Variants in MACROD2 observed in about 807,000 individuals in gnomAD.
MACROD2 encodes the protein mono-ADP ribosylhydrolase 2, also known as ADP-ribose glycohydrolase MACROD2.
MACROD2 carries 36 observed loss-of-function variants against 70.4 expected under a neutral mutation model. That is an observed-to-expected ratio of 0.51 (90% CI 0.39 to 0.68). MACROD2 has a LOEUF of 0.68. Among genes scored for constraint, MACROD2 ranks in the 30% least tolerant of loss-of-function variants. The pLI, the probability that MACROD2 is intolerant of heterozygous loss-of-function variation, is 0.00. For synonymous variants in MACROD2, 172 were observed against 178.8 expected, an observed-to-expected ratio of 0.96 and a Z score of 0.30; for missense variants, 496 against 538.4, an observed-to-expected ratio of 0.92 and a Z score of 0.78.
intron 5 of MACROD2, among the ~76,000 whole-genome samples, chr20:14,858,082 A>C (rs2073275289): frequency 5.9e-5 from 9 of 152,060 alleles, no homozygotes; most frequent in Admixed American, 5.9e-4. Flanking sequence ...CCGCCCTCCA[A>C]AGTGCTGGGA....
rs553545936 is a variant in MACROD2, at chr20:15,395,911, G to A, written c.541-35494G>A. Among the ~76,000 whole-genome samples, 53 of 152,204 alleles carry A rather than the reference G, an allele frequency of 3.5e-4. 1 individual carries two copies. The highest frequency in any genetic ancestry group is 6.8e-3 in the Middle Eastern group (2 of 294). On this transcript the variant is annotated intron_variant, in intron 6 of 17. Coordinates refer to ENST00000684519, the MANE Select transcript of MACROD2 (RefSeq NM_001351661.2). Reference sequence around the variant, plus strand: ...CATCCAGATGTTATGTAATGCCATGGTATTACATAAATGCTCTCCCATTCC... The same window carrying A: ...CATCCAGATGTTATGTAATGCCATGATATTACATAAATGCTCTCCCATTCC...
At chr20:14,533,005 C>T (rs1474582056) in intron 4 of MACROD2, among the ~76,000 whole-genome samples, 1 of 152,248 alleles carries the variant, frequency 6.6e-6, no homozygotes, top group African/African-American at 2.4e-5. Context: ...CAACTAGGCC[C>T]ATACCAGACC....
intron 5 of MACROD2, among the ~76,000 whole-genome samples, chr20:15,182,159 C>T (rs2076505301): frequency 6.6e-6 from 1 of 152,142 alleles, no homozygotes; most frequent in Non-Finnish European, 1.5e-5. Flanking sequence ...TTTATTGCTT[C>T]TGCTGTTTTG....
chr20:16,034,481 C>A (rs548847369), intron 15 of MACROD2, among the ~76,000 whole-genome samples: 7 of 151,886 alleles, frequency 4.6e-5, no homozygotes, highest in Admixed American at 4.6e-4. Flanking sequence ...AACATAAATT[C>A]GTGTCTGTGC....
chr20:14,411,095 G>A (rs2083744274), intron 3 of MACROD2, among the ~76,000 whole-genome samples: 1 of 152,154 alleles, frequency 6.6e-6, no homozygotes, highest in South Asian at 2.1e-4. Flanking sequence ...GTTTGCTGAT[G>A]ACAGCATAGC....
intron 5 of MACROD2, among the ~76,000 whole-genome samples, chr20:15,182,601 C>A (rs2076508083): frequency 6.6e-6 from 1 of 152,094 alleles, no homozygotes; most frequent in Non-Finnish European, 1.5e-5. Context: ...AGCACAGGAG[C>A]ATTATTTATA....
chr20:15,695,661 G>A lies in MACROD2; in HGVS notation c.646-167084G>A, dbSNP rs141344179. 9.5e-3 allele frequency among the ~76,000 whole-genome samples: 1,442 copies of A among 152,090 alleles called. 14 individuals are homozygous for A. Among genetic ancestry groups the A allele is most frequent in the Middle Eastern group, 0.034 (10 of 294 alleles). On this transcript the variant is annotated intron_variant, in intron 8 of 17. Transcript: ENST00000684519. ...CCTGACCTCGTGATCCACCCGCCTC[G>A]GCCTCTCAAAGTGCTGGGATTACAG...
intron 3 of MACROD2, among the ~76,000 whole-genome samples, chr20:14,405,442 T>C (rs1030887859): frequency 6.6e-6 from 1 of 152,152 alleles, no homozygotes; most frequent in African/African-American, 2.4e-5. Context: ...CCTATAGGCA[T>C]CTCCAGTCTG....
intron 15 of MACROD2, among the ~76,000 whole-genome samples, chr20:15,993,955 T>A (rs1217179661): frequency 6.6e-6 from 1 of 152,150 alleles, no homozygotes; most frequent in East Asian, 1.9e-4. Flanking sequence ...AGAGGGATTA[T>A]CTGGAGGGTG....
chr20:14,757,835 A>T, intron 5 of MACROD2: 2 of 1,525,790 alleles, frequency 1.3e-6, no homozygotes, highest in Non-Finnish European at 1.8e-6. Flanking sequence ...TGTGCCTGCC[A>T]CTCTATGCCG....
intron 3 of MACROD2, among the ~76,000 whole-genome samples, chr20:14,238,872 CA>C (rs2081902655): frequency 6.6e-6 from 1 of 151,738 alleles, no homozygotes; most frequent in African/African-American, 2.4e-5. Context: ...AATAAAAATA[CA>C]AAAATTAGCC....
At chr20:15,835,689 T>C (rs149115385) in intron 8 of MACROD2, among the ~76,000 whole-genome samples, 148 of 152,282 alleles carry the variant, frequency 9.7e-4, no homozygotes, top group African/African-American at 3.5e-3. Context: ...TGATCCCTAT[T>C]TGAATAATGA....
At chr20:15,929,880 G>A (rs1253363097) in intron 10 of MACROD2, among the ~76,000 whole-genome samples, 1 of 152,160 alleles carries the variant, frequency 6.6e-6, no homozygotes, top group Non-Finnish European at 1.5e-5. Flanking sequence ...AATATTGGTT[G>A]AAAGAGTAGG....
intron 7 of MACROD2, among the ~76,000 whole-genome samples, chr20:15,498,428 A>G (rs1036218671): frequency 6.6e-6 from 1 of 152,196 alleles, no homozygotes; most frequent in Non-Finnish European, 1.5e-5. Context: ...AAAATGTTCC[A>G]GGAGACTCTG....
chr20:15,985,103 T>C (rs1017535280), intron 13 of MACROD2, among the ~76,000 whole-genome samples: 3 of 152,206 alleles, frequency 2.0e-5, no homozygotes, highest in African/African-American at 7.2e-5. Flanking sequence ...GTTCTAAGTT[T>C]TCCTGGTGTC....
intron 5 of MACROD2, among the ~76,000 whole-genome samples, chr20:15,052,149 C>G (rs1395369858): frequency 6.6e-6 from 1 of 152,182 alleles, no homozygotes; most frequent in African/African-American, 2.4e-5. Context: ...ATTCATCTGT[C>G]TTGTAATTTA....
chr20:14,617,573 A>G (rs1161957161), intron 4 of MACROD2, among the ~76,000 whole-genome samples: 1 of 152,166 alleles, frequency 6.6e-6, no homozygotes, highest in Non-Finnish European at 1.5e-5. Flanking sequence ...CTAAGAAACC[A>G]TATACAAAAC....
intron 8 of MACROD2, among the ~76,000 whole-genome samples, chr20:15,721,328 G>A (rs561702304): frequency 7.2e-5 from 11 of 152,240 alleles, no homozygotes; most frequent in African/African-American, 1.9e-4. Flanking sequence ...TCACAGAATC[G>A]TCTTGCAAAT....
intron 3 of MACROD2, among the ~76,000 whole-genome samples, chr20:14,417,579 C>G (rs1366184530): frequency 6.6e-6 from 1 of 152,096 alleles, no homozygotes; most frequent in Non-Finnish European, 1.5e-5. Flanking sequence ...AGAGAGCTCT[C>G]TATTTGAAAA....
Sources: allele counts gnomAD v4.1 joint callset (sites outside exome capture counted in the v4.1 genomes callset), GRCh38; gene constraint gnomAD v4.1.1; transcripts MANE v1.5; gene names NCBI Gene and HGNC (gene_info 2026-07-23, HGNC 2026-07-21).